Variants in TCTN2 observed in about 807,000 individuals in gnomAD.
TCTN2 encodes the protein tectonic family member 2, also known as tectonic-2.
In TCTN2, 66 loss-of-function variants were observed where a neutral mutation model predicts 83.4. The ratio of observed to expected loss-of-function variants is 0.79; its 90% CI spans 0.65 to 0.97. The LOEUF is 0.97. Among genes scored for constraint, TCTN2 ranks in the 50% least tolerant of loss-of-function variants. TCTN2 has a pLI of 0.00. For synonymous variants in TCTN2, 301 were observed against 326.7 expected (o/e 0.92, Z 0.85); for missense variants, 794 against 858.1 (o/e 0.93, Z 0.93).
chr12:123,684,826 T>C (rs185412608), intron 5 of TCTN2, among the ~76,000 whole-genome samples: 1 of 151,638 alleles, frequency 6.6e-6, no homozygotes, highest in South Asian at 2.1e-4. Flanking sequence ...CCGAGGTGGG[T>C]TGATCATGAG....
Position 123,690,635 on chromosome 12 carries a change from G to A in TCTN2, c.994G>A (p.Gly332Ser), listed in dbSNP as rs1424979579. ...TTTGGAACTATACCAAGAACGAGAT[G>A]GTATTATCAATGCGAAGATAAAGAA... ...TNLELYQERD[G>S]IINAKIKNVA... is the part of the protein sequence containing the mutation. The change falls in exon 8 of 18, where the codon GGT (glycine) becomes AGT (serine). Residue 332 changes from glycine (G) to serine (S), a missense_variant. By Grantham distance (56) the Gly-to-Ser change is moderately conservative. Transcript: ENST00000303372. The A allele has an allele frequency of 6.2e-7, 1 of 1,614,002 alleles. No homozygotes were observed. The highest frequency in any genetic ancestry group is 8.5e-7 in the Non-Finnish European group (1 of 1,180,006).
intron 3 of TCTN2, 58 bp downstream of exon 3, chr12:123,672,190 C>T (rs938295939): frequency 1.5e-5 from 21 of 1,380,702 alleles, no homozygotes; most frequent in Non-Finnish European, 2.2e-5. Context: ...GCTAGGGTTT[C>T]TGCAGTGCTC....
At chr12:123,671,701 C>T (rs1047645282) in intron 2 of TCTN2, 87 bp downstream of exon 2, 9 of 1,192,688 alleles carry the variant, frequency 7.5e-6, no homozygotes, top group Non-Finnish European at 1.1e-5. Flanking sequence ...ATCCTTGGGG[C>T]CCCCTGCCTC....
intron 4 of TCTN2, among the ~76,000 whole-genome samples, chr12:123,676,290 C>T (rs756969500): frequency 8.6e-5 from 13 of 150,838 alleles, no homozygotes; most frequent in Non-Finnish European, 1.3e-4. Context: ...AAAAAAAGAC[C>T]GGGCGCGGTG....
chr12:123,674,012 A>G (rs532204996), intron 4 of TCTN2, among the ~76,000 whole-genome samples: 15 of 152,116 alleles, frequency 9.9e-5, no homozygotes, highest in African/African-American at 3.6e-4. Context: ...AAAACCAAAA[A>G]CAAAAACAAA....
chr12:123,706,838 C>G lies in TCTN2; in HGVS notation c.1882C>G (p.His628Asp). The G allele has an allele frequency of 1.2e-6, 2 of 1,614,182 alleles. No individual in the cohort carries two copies. Among genetic ancestry groups the G allele is most frequent in the Non-Finnish European group, 1.7e-6 (2 of 1,180,034 alleles). The change falls in exon 16 of 18, where the codon CAC becomes GAC. Residue 628 changes from histidine (H) to aspartate (D), a missense_variant. By Grantham distance (81) the His-to-Asp change is moderately conservative. Transcript: ENST00000303372. Reference sequence around the variant, plus strand: ...TATTAAAATTCCTGCACAGTTACCCCACCCCCTGACAAGGTACTCCAGTTG... The same window carrying G: ...TATTAAAATTCCTGCACAGTTACCCGACCCCCTGACAAGGTACTCCAGTTG... ...QFIKIPAQLP[H>D]PLTRFQINYT...
intron 5 of TCTN2, among the ~76,000 whole-genome samples, chr12:123,679,583 CA>C (rs1955868701): frequency 6.6e-6 from 1 of 151,788 alleles, no homozygotes; most frequent in Admixed American, 6.6e-5. Flanking sequence ...AGGCTGGTCT[CA>C]AATTCCTGGG....
rs1462599073 is a variant in TCTN2, at chr12:123,671,169, T to G, written c.-72T>G. 3 of 1,446,004 alleles carry G rather than the reference T, an allele frequency of 2.1e-6. No individual in the cohort carries two copies. The highest frequency in any genetic ancestry group is 2.8e-5 in the African/African-American group (2 of 71,282). 89.6% of individuals were successfully genotyped at this position (1,446,004 alleles called of 1,614,324 possible). On this transcript the variant is annotated 5_prime_UTR_variant, in exon 1 of 18. Transcript: ENST00000303372. ...GCGGCGGGGCAGTGGCTGCTGCGTT[T>G]TCGTGTCTGAGTCCTTCCTGGGTTC...
At chr12:123,683,717 C>T (rs1477609280) in intron 5 of TCTN2, among the ~76,000 whole-genome samples, 3 of 152,190 alleles carry the variant, frequency 2.0e-5, no homozygotes, top group African/African-American at 7.2e-5. Flanking sequence ...TGGCTCACTG[C>T]AACCTCCGTC....
intron 13 of TCTN2, 23 bp from the exon 14 acceptor site, chr12:123,699,681 A>G: frequency 1.3e-6 from 2 of 1,588,120 alleles, no homozygotes; most frequent in South Asian, 1.1e-5. Flanking sequence ...CCATGAGCTG[A>G]GAAATGTCTT....
intron 9 of TCTN2, 114 bp downstream of exon 9, chr12:123,692,837 A>G (rs1956059992): frequency 1.2e-6 from 1 of 841,944 alleles, no homozygotes; most frequent in Non-Finnish European, 2.0e-6. Context: ...AAGGTTCACA[A>G]TAGTTAGAAA....
chr12:123,707,099 C>A, intron 17 of TCTN2, 26 bp downstream of exon 17: 1 of 1,597,166 alleles, frequency 6.3e-7, no homozygotes, highest in Non-Finnish European at 8.6e-7. Flanking sequence ...TTTCTATGAC[C>A]AATTATGTTA....
intron 3 of TCTN2, among the ~76,000 whole-genome samples, chr12:123,673,357 T>G (rs1217687145): frequency 6.6e-6 from 1 of 152,168 alleles, no homozygotes. Flanking sequence ...TAAACTGAGT[T>G]TATTTATCAG....
intron 12 of TCTN2, 135 bp from the exon 13 acceptor site, chr12:123,696,952 T>TCAGTTTTTGAA: frequency 1.4e-6 from 1 of 725,542 alleles, no homozygotes; most frequent in Admixed American, 2.0e-5. Context: ...AGGATTAGAC[T>TCAGTTTTTGAA]AACAGTGATC....
At position 123,704,527 on chromosome 12, in the gene TCTN2, T is replaced by C; in HGVS notation, c.1613-5T>C. 6.2e-7 allele frequency: 1 copy of C among 1,608,770 alleles called. No individual in the cohort carries two copies. The highest frequency in any genetic ancestry group is 8.5e-7 in the Non-Finnish European group (1 of 1,177,496). On this transcript the variant is annotated splice_polypyrimidine_tract_variant and splice_region_variant and intron_variant, in intron 14 of 17. Coordinates refer to ENST00000303372, the MANE Select transcript of TCTN2 (RefSeq NM_024809.5). ...TGAAAAGTGTATAACTTAACATTTC[T>C]ATAGGTGTAGATGCCCCTGATCCAG...
chr12:123,689,910 C>T (rs1247782115), intron 7 of TCTN2, among the ~76,000 whole-genome samples: 1 of 152,150 alleles, frequency 6.6e-6, no homozygotes, highest in Non-Finnish European at 1.5e-5. Flanking sequence ...AAGCAATCCT[C>T]CCACCTCAGC....
At chr12:123,701,355 G>C (rs573598580) in intron 14 of TCTN2, among the ~76,000 whole-genome samples, 11 of 152,148 alleles carry the variant, frequency 7.2e-5, no homozygotes, top group Non-Finnish European at 1.6e-4. Context: ...GACTATACCA[G>C]AAACCATCGA....
intron 5 of TCTN2, among the ~76,000 whole-genome samples, chr12:123,683,116 C>T (rs376347762): frequency 1.2e-4 from 18 of 151,238 alleles, no homozygotes; most frequent in East Asian, 6.0e-4. Flanking sequence ...CCAGCTATTC[C>T]GGCGGCTGAG....
At chr12:123,686,652 A>G (rs548331674) in intron 5 of TCTN2, among the ~76,000 whole-genome samples, 184 bp from the exon 6 acceptor site, 27 of 152,304 alleles carry the variant, frequency 1.8e-4, no homozygotes, top group African/African-American at 6.0e-4. Flanking sequence ...GGAATTGACA[A>G]AAGAAATTCC....
Sources: allele counts gnomAD v4.1 joint callset (sites outside exome capture counted in the v4.1 genomes callset), GRCh38; gene constraint gnomAD v4.1.1; transcripts MANE v1.5; gene names NCBI Gene and HGNC (gene_info 2026-07-23, HGNC 2026-07-21).